DGKI: variants seen among roughly 807,000 people sequenced by gnomAD.
DGKI encodes DAG kinase iota.
In DGKI, 55 loss-of-function variants were observed where a neutral mutation model predicts 147.5. That is an observed-to-expected ratio of 0.37 (90% CI 0.30 to 0.47). The LOEUF is 0.47. Among genes scored for constraint, DGKI ranks in the 20% least tolerant of loss-of-function variants. DGKI has a pLI of 1.00. For missense variants in DGKI, 1,007 were observed against 1,323.8 expected (o/e 0.76, Z 3.71); for synonymous variants, 469 against 477.1 (o/e 0.98, Z 0.22).
rs1331584413 is a variant in DGKI, at chr7:137,383,703, T to C, written c.*7517A>G. 2 of 152,040 alleles carry C rather than the reference T, an allele frequency of 1.3e-5. No individual in the cohort carries two copies. The highest frequency in any genetic ancestry group is 3.9e-4 in the East Asian group (2 of 5,194). The allele number at this position is 152,040 out of a possible 1,614,324, so 9.4% of individuals were successfully genotyped here. On this transcript the variant is annotated 3_prime_UTR_variant, in exon 33 of 33. Transcript: ENST00000614521. Reference sequence around the variant, plus strand: ...TGCAATGTTTAGGAAAAATAAATCCTTATAAGTAATAAAGCTAACTCCTTT... The same window carrying C: ...TGCAATGTTTAGGAAAAATAAATCCCTATAAGTAATAAAGCTAACTCCTTT...
chr7:137,758,843 G>T (rs1208001108), intron 1 of DGKI, among the ~76,000 whole-genome samples: 3 of 151,984 alleles, frequency 2.0e-5, no homozygotes, highest in Non-Finnish European at 2.9e-5. Context: ...CAAACCTAAA[G>T]CACCATTTGT....
chr7:137,501,843 C>T (rs1261063824), intron 21 of DGKI, among the ~76,000 whole-genome samples: 2 of 152,132 alleles, frequency 1.3e-5, no homozygotes, highest in African/African-American at 4.8e-5. Flanking sequence ...TGACCCCACC[C>T]AAATCTCATC....
At chr7:137,560,174 A>C (rs1046546213) in intron 19 of DGKI, among the ~76,000 whole-genome samples, 1 of 152,218 alleles carries the variant, frequency 6.6e-6, no homozygotes, top group Admixed American at 6.5e-5. Context: ...AATGAAAAAA[A>C]CAAAATTATT....
chr7:137,766,003 C>T (rs58856567), intron 1 of DGKI, among the ~76,000 whole-genome samples: 2,472 of 152,302 alleles, frequency 0.016, 54 homozygotes, highest in African/African-American at 0.056. Flanking sequence ...CCAAGAGAAG[C>T]TACCTGAACA....
chr7:137,661,014 C>G (rs1822407206), intron 3 of DGKI, among the ~76,000 whole-genome samples: 3 of 152,116 alleles, frequency 2.0e-5, no homozygotes, highest in African/African-American at 7.2e-5. Context: ...TCCCAATTGT[C>G]AGAAGTTTGA....
chr7:137,397,062 T>C (rs1342930248), intron 31 of DGKI, among the ~76,000 whole-genome samples: 1 of 152,210 alleles, frequency 6.6e-6, no homozygotes, highest in Non-Finnish European at 1.5e-5. Context: ...GATGGGTATA[T>C]TAAAAGGTAA....
At position 137,654,791 on chromosome 7, in the gene DGKI, GTCA is replaced by G; in HGVS notation, c.682-6_682-4del. The G allele has an allele frequency of 6.3e-7, 1 of 1,593,196 alleles. No individual in the cohort carries two copies. Among genetic ancestry groups the G allele is most frequent in the Non-Finnish European group, 8.6e-7 (1 of 1,163,388 alleles). ...GTTGGTTTACATCTGAAATTAATCT[GTCA>G]TTCAAAAAGAAAAGTATATTATATT... is the stretch of plus-strand genomic sequence containing the variant. On this transcript the variant is annotated splice_region_variant and splice_polypyrimidine_tract_variant and intron_variant, in intron 4 of 32. Coordinates refer to ENST00000614521, the MANE Select transcript of DGKI (RefSeq NM_001321708.2).
intron 6 of DGKI, among the ~76,000 whole-genome samples, chr7:137,636,299 T>C (rs1320321268): frequency 2.0e-5 from 3 of 152,138 alleles, no homozygotes; most frequent in Non-Finnish European, 2.9e-5. Flanking sequence ...GGATAAGTGG[T>C]TGAGGAGAGA....
chr7:137,766,832 C>T (rs2116830030), intron 1 of DGKI, among the ~76,000 whole-genome samples: 1 of 152,268 alleles, frequency 6.6e-6, no homozygotes, highest in South Asian at 2.1e-4. Flanking sequence ...TTCTGTTTCC[C>T]ACTCCAAACT....
At chr7:137,458,702 A>T (rs531056345) in intron 27 of DGKI, among the ~76,000 whole-genome samples, 17 of 152,232 alleles carry the variant, frequency 1.1e-4, no homozygotes, top group African/African-American at 3.9e-4. Flanking sequence ...AAGTGGCAAA[A>T]TTCTTCCTTA....
chr7:137,453,226 C>G (rs576391016), intron 27 of DGKI: 1 of 152,328 alleles, frequency 6.6e-6, no homozygotes, highest in South Asian at 2.1e-4. Flanking sequence ...AGATTATCAT[C>G]TCTGTGCAAT....
At chr7:137,586,297 G>A (rs564192133) in intron 13 of DGKI, among the ~76,000 whole-genome samples, 2 of 152,012 alleles carry the variant, frequency 1.3e-5, no homozygotes, top group East Asian at 1.9e-4. Flanking sequence ...ACAGGGTGGC[G>A]GGCACCTGTA....
At chr7:137,669,585 C>T (rs543998470) in intron 3 of DGKI, among the ~76,000 whole-genome samples, 3 of 152,308 alleles carry the variant, frequency 2.0e-5, no homozygotes, top group Admixed American at 6.5e-5. Flanking sequence ...GAAACACACA[C>T]CCTTACACAA....
rs1811307040 is a variant in DGKI at position 137,390,142 on chromosome 7, G to A, written c.*1078C>T. On this transcript the variant is annotated 3_prime_UTR_variant, in exon 33 of 33. Coordinates refer to ENST00000614521, the MANE Select transcript of DGKI (RefSeq NM_001321708.2). ...ATTCCAATGACTGTTTCCTATTTCA[G>A]TGACATATGTTGACATATGTTGCTA... is the stretch of plus-strand genomic sequence containing the variant. 6.6e-6 allele frequency: 1 copy of A among 151,922 alleles called. No individual in the cohort carries two copies. Among genetic ancestry groups the A allele is most frequent in the Non-Finnish European group, 1.5e-5 (1 of 67,962 alleles). The allele number at this position is 151,922 out of a possible 1,614,324, so 9.4% of individuals were successfully genotyped here.
At chr7:137,650,073 G>A (rs1821971141) in intron 5 of DGKI, among the ~76,000 whole-genome samples, 1 of 152,054 alleles carries the variant, frequency 6.6e-6, no homozygotes, top group East Asian at 1.9e-4. Flanking sequence ...ATAAACATCT[G>A]AATTAGTAGT....
At chr7:137,749,246 T>A (rs1477262240) in intron 1 of DGKI, among the ~76,000 whole-genome samples, 1 of 152,200 alleles carries the variant, frequency 6.6e-6, no homozygotes, top group Non-Finnish European at 1.5e-5. Context: ...TTTCTGTTTC[T>A]TTAATTGAAA....
chr7:137,762,723 A>G (rs1022105824), intron 1 of DGKI, among the ~76,000 whole-genome samples: 1 of 152,088 alleles, frequency 6.6e-6, no homozygotes, highest in Non-Finnish European at 1.5e-5. Context: ...ACCCACCTCA[A>G]GCTTTCATGA....
At chr7:137,545,499 A>G (rs1298390824) in intron 20 of DGKI, among the ~76,000 whole-genome samples, 1 of 151,314 alleles carries the variant, frequency 6.6e-6, no homozygotes, top group Non-Finnish European at 1.5e-5. Flanking sequence ...ACACACACTC[A>G]AAACTCCACG....
At chr7:137,583,719 T>C (rs1391905628) in intron 14 of DGKI, among the ~76,000 whole-genome samples, 1 of 152,148 alleles carries the variant, frequency 6.6e-6, no homozygotes, top group African/African-American at 2.4e-5. Flanking sequence ...CTATTCCAAG[T>C]TTAGTAGGAA....
Sources: allele counts gnomAD v4.1 joint callset (sites outside exome capture counted in the v4.1 genomes callset), GRCh38; gene constraint gnomAD v4.1.1; transcripts MANE v1.5; gene names NCBI Gene and HGNC (gene_info 2026-07-23, HGNC 2026-07-21).